PDZRN4: variants seen among roughly 807,000 people sequenced by gnomAD.
PDZRN4 encodes PDZ domain containing ring finger 4.
A neutral mutation model predicts 99.0 loss-of-function variants in PDZRN4; 70 were observed. The observed-to-expected ratio is 0.71, with a 90% CI of 0.58 to 0.86. The LOEUF is 0.86. Among genes scored for constraint, PDZRN4 ranks in the 40% least tolerant of loss-of-function variants. PDZRN4 has a pLI of 0.00. For missense variants in PDZRN4, 1,474 were observed against 1,331.2 expected, an observed-to-expected ratio of 1.11 and a Z score of -1.67; for synonymous variants, 551 against 501.6, an observed-to-expected ratio of 1.10 and a Z score of -1.32.
intron 3 of PDZRN4, among the ~76,000 whole-genome samples, chr12:41,501,045 A>G (rs1483035654): frequency 6.6e-6 from 1 of 152,130 alleles, no homozygotes; most frequent in Non-Finnish European, 1.5e-5. Context: ...ATCATGTCCA[A>G]CCAGAATTAT....
chr12:41,505,666 G>A (rs1423561790), intron 3 of PDZRN4, among the ~76,000 whole-genome samples: 1 of 149,534 alleles, frequency 6.7e-6, no homozygotes. Flanking sequence ...AATGACTGAG[G>A]ACAAAGGGAG....
At chr12:41,547,163 A>AG (rs1472363171) in intron 5 of PDZRN4, among the ~76,000 whole-genome samples, 10 of 148,206 alleles carry the variant, frequency 6.7e-5, no homozygotes, top group African/African-American at 2.0e-4. Flanking sequence ...AAAATAGAGA[A>AG]GGGGGAAAAA....
intron 1 of PDZRN4, among the ~76,000 whole-genome samples, chr12:41,189,440 T>C (rs531013299): frequency 6.6e-6 from 1 of 152,208 alleles, no homozygotes; most frequent in Admixed American, 6.5e-5. Context: ...CTCTGCCTAT[T>C]TTTTGAGCAC....
At chr12:41,252,316 C>G (rs1436923531) in intron 3 of PDZRN4, among the ~76,000 whole-genome samples, 9 of 152,060 alleles carry the variant, frequency 5.9e-5, no homozygotes, top group Non-Finnish European at 1.3e-4. Flanking sequence ...CCAAATGCCA[C>G]AAACAGGTAA....
intron 3 of PDZRN4, among the ~76,000 whole-genome samples, chr12:41,461,043 C>T (rs897057260): frequency 2.0e-5 from 3 of 152,116 alleles, no homozygotes; most frequent in African/African-American, 4.8e-5. Flanking sequence ...TAGAGTTTCC[C>T]TGTGTAAAAA....
intron 3 of PDZRN4, among the ~76,000 whole-genome samples, chr12:41,360,637 T>A (rs991451867): frequency 1.3e-5 from 2 of 152,014 alleles, no homozygotes; most frequent in Non-Finnish European, 2.9e-5. Context: ...TGCAAAAAAA[T>A]TAATGAATAA....
At chr12:41,406,631 C>T (rs1952352443) in intron 3 of PDZRN4, among the ~76,000 whole-genome samples, 1 of 152,026 alleles carries the variant, frequency 6.6e-6, no homozygotes, top group South Asian at 2.1e-4. Context: ...CGGTGGCTCA[C>T]GCCTGTAATC....
At chr12:41,275,107 T>A (rs1057307447) in intron 3 of PDZRN4, among the ~76,000 whole-genome samples, 1 of 152,144 alleles carries the variant, frequency 6.6e-6, no homozygotes, top group East Asian at 1.9e-4. Flanking sequence ...GAGGCTTGAC[T>A]GGCATGGGAT....
At chr12:41,425,200 T>G (rs1952525222) in intron 3 of PDZRN4, among the ~76,000 whole-genome samples, 1 of 152,086 alleles carries the variant, frequency 6.6e-6, no homozygotes, top group South Asian at 2.1e-4. Flanking sequence ...ACTTAAAACA[T>G]TATGTTGGTA....
intron 3 of PDZRN4, among the ~76,000 whole-genome samples, chr12:41,214,431 A>T (rs1381787489): frequency 1.1e-5 from 1 of 93,236 alleles, no homozygotes; most frequent in African/African-American, 5.3e-5. Context: ...CCTGTCCCCT[A>T]AAAAAAAAAA....
chr12:41,344,578 C>T (rs1408005339), intron 3 of PDZRN4, among the ~76,000 whole-genome samples: 2 of 151,458 alleles, frequency 1.3e-5, no homozygotes, highest in African/African-American at 4.8e-5. Context: ...CTTGCTTAGG[C>T]TTTGTTTTTT....
chr12:41,423,560 C>T (rs188500680), intron 3 of PDZRN4, among the ~76,000 whole-genome samples: 17 of 152,212 alleles, frequency 1.1e-4, no homozygotes, highest in Admixed American at 9.2e-4. Flanking sequence ...TCTGAAATCC[C>T]ATACCTTTAA....
intron 3 of PDZRN4, among the ~76,000 whole-genome samples, chr12:41,208,684 T>A (rs1950866981): frequency 6.6e-6 from 1 of 151,908 alleles, no homozygotes; most frequent in Non-Finnish European, 1.5e-5. Flanking sequence ...GAACCTCTAA[T>A]CTGTAGGAAG....
intron 3 of PDZRN4, among the ~76,000 whole-genome samples, chr12:41,402,357 T>A (rs755942867): frequency 1 from 144 of 144 alleles, 72 homozygotes; most frequent in Non-Finnish European, 1. Context: ...ATACACACAG[T>A]GTGTATATAT....
chr12:41,274,264 T>C (rs764949780), intron 3 of PDZRN4, among the ~76,000 whole-genome samples: 1 of 152,126 alleles, frequency 6.6e-6, no homozygotes, highest in Non-Finnish European at 1.5e-5. Context: ...AACCACTCTG[T>C]GTATTGTGTA....
intron 3 of PDZRN4, among the ~76,000 whole-genome samples, chr12:41,441,572 C>T (rs1394862975): frequency 6.6e-6 from 1 of 152,136 alleles, no homozygotes; most frequent in African/African-American, 2.4e-5. Flanking sequence ...CACAATATAC[C>T]ATGAAATAGT....
chr12:41,241,106 A>G (rs1951099063), intron 3 of PDZRN4, among the ~76,000 whole-genome samples: 1 of 152,004 alleles, frequency 6.6e-6, no homozygotes, highest in Admixed American at 6.6e-5. Flanking sequence ...GCTCAAGACC[A>G]GAAGTGTTTC....
intron 5 of PDZRN4, among the ~76,000 whole-genome samples, chr12:41,541,173 G>T (rs562907446): frequency 6.6e-6 from 1 of 151,592 alleles, no homozygotes; most frequent in Non-Finnish European, 1.5e-5. Flanking sequence ...CTCATAATCC[G>T]CCCACCTTGG....
At chr12:41,561,122 G>C (rs1374009134) in intron 7 of PDZRN4, among the ~76,000 whole-genome samples, 1 of 152,012 alleles carries the variant, frequency 6.6e-6, no homozygotes. Flanking sequence ...CAACTGTAAA[G>C]AAACTAAAAG....
Sources: gnomAD v4.1 joint callset for allele counts (sites outside exome capture counted in the v4.1 genomes callset) on GRCh38, gnomAD v4.1.1 for gene constraint, MANE v1.5 for transcripts, NCBI Gene and HGNC (gene_info 2026-07-23, HGNC 2026-07-21) for gene names.